KLHL2: variants seen among roughly 807,000 people sequenced by gnomAD.
KLHL2 encodes kelch like family member 2, also known as kelch-like protein 2.
In KLHL2, 15 loss-of-function variants were observed where a neutral mutation model predicts 75.8. The observed-to-expected ratio is 0.20, with a 90% CI of 0.13 to 0.30. KLHL2 has a LOEUF of 0.30. Ranked by LOEUF, KLHL2 falls within the 10% of genes least tolerant of loss-of-function variation. KLHL2 has a pLI of 1.00. For missense variants in KLHL2, 381 were observed against 741.0 expected, an observed-to-expected ratio of 0.51 and a Z score of 5.64; for synonymous variants, 214 against 251.9, an observed-to-expected ratio of 0.85 and a Z score of 1.42.
At chr4:165,321,424 T>G in intron 14 of KLHL2, 1 of 397,122 alleles carries the variant, frequency 2.5e-6, no homozygotes, top group Non-Finnish European at 5.0e-6. Flanking sequence ...CATTTCCTTT[T>G]CTGTAGCTTA....
chr4:165,263,146 G>C, intron 4 of KLHL2, 51 bp from the exon 5 acceptor site: 1 of 1,596,554 alleles, frequency 6.3e-7, no homozygotes, highest in Non-Finnish European at 8.6e-7. Flanking sequence ...TGGTCAAAGA[G>C]GCAGTGTTTT....
At chr4:165,279,163 C>T (rs756493161) in intron 5 of KLHL2, 2 of 1,600,198 alleles carry the variant, frequency 1.2e-6, no homozygotes, top group Non-Finnish European at 1.7e-6. Flanking sequence ...GAACTTTTCT[C>T]ACATTGTCGA....
chr4:165,280,878 A>G (rs1261314120), intron 5 of KLHL2, among the ~76,000 whole-genome samples: 1 of 152,214 alleles, frequency 6.6e-6, no homozygotes, highest in Non-Finnish European at 1.5e-5. Context: ...TTTTTCTCCT[A>G]AAGATTAATA....
chr4:165,233,202 G>C (rs1259511368), intron 3 of KLHL2, among the ~76,000 whole-genome samples: 1 of 152,184 alleles, frequency 6.6e-6, no homozygotes, highest in Non-Finnish European at 1.5e-5. Flanking sequence ...AAGTAATTCT[G>C]TGAAGTAGTC....
intron 5 of KLHL2, among the ~76,000 whole-genome samples, chr4:165,270,870 G>A (rs1025533710): frequency 6.6e-6 from 1 of 152,176 alleles, no homozygotes; most frequent in Admixed American, 6.5e-5. Context: ...GTCAAACAGG[G>A]ACATTTAAGT....
At chr4:165,248,770 A>G (rs919292220) in intron 4 of KLHL2, among the ~76,000 whole-genome samples, 12 of 152,212 alleles carry the variant, frequency 7.9e-5, no homozygotes, top group African/African-American at 2.9e-4. Flanking sequence ...TTTGAGTTCT[A>G]GGTTGTGAGG....
intron 4 of KLHL2, among the ~76,000 whole-genome samples, chr4:165,241,177 G>A (rs1739788980): frequency 6.6e-6 from 1 of 152,136 alleles, no homozygotes. Flanking sequence ...GATTTGTAAA[G>A]CTTTCTTTTA....
At chr4:165,241,708 G>C (rs1739831025) in intron 4 of KLHL2, among the ~76,000 whole-genome samples, 1 of 152,150 alleles carries the variant, frequency 6.6e-6, no homozygotes, top group Admixed American at 6.5e-5. Flanking sequence ...GCCATCTGTT[G>C]GCAGTCAGTT....
intron 4 of KLHL2, among the ~76,000 whole-genome samples, chr4:165,256,054 C>T (rs546497307): frequency 6.6e-6 from 1 of 151,992 alleles, no homozygotes; most frequent in East Asian, 1.9e-4. Flanking sequence ...AGCGAAACAT[C>T]TTCTATGTAA....
At chr4:165,279,102 G>A (rs1743422645) in intron 5 of KLHL2, 3 of 1,582,872 alleles carry the variant, frequency 1.9e-6, no homozygotes, top group African/African-American at 1.3e-5. Context: ...CTCCAAATAA[G>A]CCATGAATCA....
chr4:165,315,514 T>A (rs1746530779), intron 13 of KLHL2, among the ~76,000 whole-genome samples: 1 of 152,190 alleles, frequency 6.6e-6, no homozygotes, highest in Admixed American at 6.5e-5. Flanking sequence ...CAGTTTGTTT[T>A]TCCTTCTCAA....
intron 4 of KLHL2, among the ~76,000 whole-genome samples, chr4:165,258,540 C>T (rs1407098347): frequency 2.0e-5 from 3 of 152,100 alleles, no homozygotes; most frequent in Admixed American, 1.3e-4. Flanking sequence ...AATTCTACCT[C>T]ATATGAGAAG....
intron 5 of KLHL2, chr4:165,279,050 AC>A (rs1743417624): frequency 6.6e-7 from 1 of 1,506,112 alleles, no homozygotes. Flanking sequence ...TGCATTTGTT[AC>A]ATCTGTACAG....
chr4:165,268,132 G>A (rs1329900445), intron 5 of KLHL2, among the ~76,000 whole-genome samples: 1 of 152,134 alleles, frequency 6.6e-6, no homozygotes, highest in Non-Finnish European at 1.5e-5. Flanking sequence ...ATGGTAGTTT[G>A]TATTGCTGTG....
intron 2 of KLHL2, among the ~76,000 whole-genome samples, chr4:165,223,069 T>C (rs1738135424): frequency 6.6e-6 from 1 of 152,282 alleles, no homozygotes; most frequent in South Asian, 2.1e-4. Context: ...TTTATTGTTT[T>C]CTTAAACTAA....
chr4:165,218,239 T>G (rs1439464082), intron 1 of KLHL2, among the ~76,000 whole-genome samples: 1 of 152,174 alleles, frequency 6.6e-6, no homozygotes, highest in Non-Finnish European at 1.5e-5. Context: ...TATCACTCTT[T>G]TGCAGTGTCT....
At chr4:165,242,944 C>T (rs1190972725) in intron 4 of KLHL2, among the ~76,000 whole-genome samples, 1 of 152,082 alleles carries the variant, frequency 6.6e-6, no homozygotes, top group African/African-American at 2.4e-5. Flanking sequence ...GATGTTTTTG[C>T]CTCCATATAA....
intron 5 of KLHL2, among the ~76,000 whole-genome samples, chr4:165,266,864 G>T (rs781323346): frequency 2.6e-4 from 39 of 151,958 alleles, no homozygotes; most frequent in Non-Finnish European, 5.3e-4. Flanking sequence ...AAGAAAGTCA[G>T]TGGTAGCCTG....
intron 5 of KLHL2, among the ~76,000 whole-genome samples, chr4:165,269,741 T>G (rs1742535741): frequency 6.6e-6 from 1 of 151,846 alleles, no homozygotes; most frequent in African/African-American, 2.4e-5. Context: ...TGGCTGCCCT[T>G]AACATTTTTT....
Sources: gnomAD v4.1 joint callset for allele counts (sites outside exome capture counted in the v4.1 genomes callset) on GRCh38, gnomAD v4.1.1 for gene constraint, MANE v1.5 for transcripts, NCBI Gene and HGNC (gene_info 2026-07-23, HGNC 2026-07-21) for gene names.